KIR2DL4: variants seen among roughly 807,000 people sequenced by gnomAD.
The protein encoded by KIR2DL4 is killer cell immunoglobulin-like receptor 2DL4.
Under a neutral mutation model 31.0 loss-of-function variants are expected in KIR2DL4, and 41 were observed. That is an observed-to-expected ratio of 1.32 (90% CI 1.03 to 1.72). The LOEUF (loss-of-function observed/expected upper bound fraction) is 1.72, where lower values mean the gene tolerates loss of function less well. Ranked by LOEUF, KIR2DL4 falls within the 40% of genes most tolerant of loss-of-function variation. The pLI, the probability that KIR2DL4 is intolerant of heterozygous loss-of-function variation, is 0.00. For synonymous variants in KIR2DL4, 164 were observed against 133.6 expected, an observed-to-expected ratio of 1.23 and a Z score of -1.57; for missense variants, 438 against 353.7, an observed-to-expected ratio of 1.24 and a Z score of -1.91.
intron 5 of KIR2DL4, among the ~76,000 whole-genome samples, chr19:54,810,567 A>G (rs1372120115): frequency 6.6e-6 from 1 of 151,658 alleles, no homozygotes; most frequent in Non-Finnish European, 1.5e-5. Flanking sequence ...TTTTCCACAC[A>G]GCTGTCAGCC....
At chr19:54,812,332 T>C (rs1472679973) in intron 5 of KIR2DL4, among the ~76,000 whole-genome samples, 1 of 151,252 alleles carries the variant, frequency 6.6e-6, no homozygotes, top group East Asian at 1.9e-4. Context: ...TCATGTGCAC[T>C]GTAGCTGGGG....
rs372293579 is a variant in KIR2DL4 at position 54,813,679 on chromosome 19, G to A, written c.811-11G>A. Reference sequence around the variant, plus strand: ...CCTCCCAGCTGTTTTGATTGCTTCCGTCTCCTACAGATGCTGCTGTAATGA... The same window carrying A: ...CCTCCCAGCTGTTTTGATTGCTTCCATCTCCTACAGATGCTGCTGTAATGA... On this transcript the variant is annotated splice_polypyrimidine_tract_variant and intron_variant, in intron 6 of 7. Transcript: ENST00000359085. The A allele has an allele frequency of 5.5e-5, 88 of 1,611,046 alleles. No homozygotes were observed. The East Asian group carries it at 1.2e-3, about 22-fold the overall frequency.
rs1164224891 is a variant in KIR2DL4 at position 54,808,735 on chromosome 19, G to A, written c.656-98G>A. On this transcript the variant is annotated intron_variant, in intron 4 of 7. Transcript: ENST00000359085. Reference sequence around the variant, plus strand: ...CCAGGACTCCCAGGGCCCAACATTAGATAATAGAATGTTGGCCATGAACCA... The same window carrying A: ...CCAGGACTCCCAGGGCCCAACATTAAATAATAGAATGTTGGCCATGAACCA... The A allele has an allele frequency of 3.3e-6, 3 of 904,256 alleles. No homozygotes were observed. In the Admixed American group the frequency reaches 5.2e-5, roughly 16 times the overall value. The allele number at this position is 904,256 out of a possible 1,614,324, so 56.0% of individuals were successfully genotyped here. A position where few individuals can be genotyped will look rare whatever the true frequency, so the allele number is the denominator to read the frequency against.
At chr19:54,812,710 G>C (rs1296797409) in intron 5 of KIR2DL4, among the ~76,000 whole-genome samples, 1 of 149,318 alleles carries the variant, frequency 6.7e-6, no homozygotes, top group African/African-American at 2.5e-5. Context: ...AGGGAGAAAG[G>C]GGGTGTGATG....
In KIR2DL4 at chr19:54,813,810, C is replaced by A. The variant is rs1248095226; in HGVS notation, c.*42-32C>A. ...GAAATAGTCCTGAAAAATGTGAACACCCTCCCTCACTCAGGATTTCCCTCT... is the reference window on the plus strand; with the variant it reads ...GAAATAGTCCTGAAAAATGTGAACAACCTCCCTCACTCAGGATTTCCCTCT... On this transcript the variant is annotated intron_variant, in intron 7 of 7. Transcript: ENST00000359085. The A allele has an allele frequency of 7.4e-5, 119 of 1,611,934 alleles. 7 individuals are homozygous for A. Among genetic ancestry groups the A allele is most frequent in the Admixed American group, 3.5e-4 (21 of 59,896 alleles).
exon 8 of KIR2DL4, chr19:54,814,341 A>C: frequency 1.8e-6 from 1 of 561,340 alleles, no homozygotes; most frequent in East Asian, 3.1e-5. Context: ...TCACAATTCC[A>C]AACATACAAG....
Position 54,803,871 on chromosome 19 carries a change from A to T in KIR2DL4, c.41-20A>T. 1.7e-5 allele frequency: 28 copies of T among 1,607,278 alleles called. 1 individual carries two copies. The South Asian group carries it at 2.9e-4, about 17-fold the overall frequency. On this transcript the variant is annotated intron_variant, in intron 1 of 7. Coordinates refer to ENST00000359085, the Ensembl canonical transcript of KIR2DL4. ...AGGTTGCTGCCGAGATGAATAGTTCATCATGATCTTTCTTTGCAGGGTTCT... is the reference window on the plus strand; with the variant it reads ...AGGTTGCTGCCGAGATGAATAGTTCTTCATGATCTTTCTTTGCAGGGTTCT...
intron 6 of KIR2DL4, 128 bp from the exon 6 acceptor site, chr19:54,813,562 G>C (rs2061006792): frequency 3.1e-5 from 29 of 947,968 alleles, no homozygotes; most frequent in Non-Finnish European, 4.5e-5. Flanking sequence ...TGGAATGTCT[G>C]AGTCTGGCTG....
At chr19:54,805,055 C>A in exon 3 of KIR2DL4, 1 of 1,607,446 alleles carries the variant, frequency 6.2e-7, no homozygotes, top group Non-Finnish European at 8.5e-7. Flanking sequence ...CACCCAGCAA[C>A]CCCCTGGTGA....
intron 5 of KIR2DL4, among the ~76,000 whole-genome samples, chr19:54,812,665 C>T (rs1188012817): frequency 1.8e-4 from 27 of 149,878 alleles, no homozygotes; most frequent in Admixed American, 1.8e-3. Flanking sequence ...GGGGGTCCTG[C>T]GTGTGCAGAG....
exon 3 of KIR2DL4, chr19:54,804,972 C>A: frequency 1.9e-6 from 3 of 1,612,096 alleles, no homozygotes; most frequent in Non-Finnish European, 2.5e-6. Flanking sequence ...CCTCATTAGC[C>A]CTGTGACCCC....
intron 5 of KIR2DL4, among the ~76,000 whole-genome samples, chr19:54,812,955 A>G (rs2060951079): frequency 7.0e-6 from 1 of 143,462 alleles, no homozygotes; most frequent in African/African-American, 2.8e-5. Context: ...TTCTATTGTT[A>G]TTATGAAAAC....
At chr19:54,811,670 C>T (rs1380114985) in intron 5 of KIR2DL4, among the ~76,000 whole-genome samples, 1 of 151,370 alleles carries the variant, frequency 6.6e-6, no homozygotes, top group Non-Finnish European at 1.5e-5. Flanking sequence ...AAATCCCCCA[C>T]CTCACCCCTA....
chr19:54,804,257 T>C (rs2147873686), intron 2 of KIR2DL4, among the ~76,000 whole-genome samples: 2 of 150,016 alleles, frequency 1.3e-5, no homozygotes, highest in East Asian at 3.9e-4. Flanking sequence ...AAAGCTGGGG[T>C]GTGTGGGGGG....
exon 8 of KIR2DL4, chr19:54,813,975 T>C: frequency 6.2e-7 from 1 of 1,612,418 alleles, no homozygotes; most frequent in Non-Finnish European, 8.5e-7. Context: ...TGTATAGAAC[T>C]TCCAAATGCT....
chr19:54,803,618 C>A (rs759040438), exon 1 of KIR2DL4: 62 of 1,611,862 alleles, frequency 3.8e-5, no homozygotes, highest in Non-Finnish European at 5.1e-5. Flanking sequence ...TCAGTCGAGC[C>A]GAGTCACTGC....
At chr19:54,810,838 T>C (rs1284861928) in intron 5 of KIR2DL4, among the ~76,000 whole-genome samples, 1 of 151,344 alleles carries the variant, frequency 6.6e-6, no homozygotes, top group Non-Finnish European at 1.5e-5. Flanking sequence ...AACTGGAATC[T>C]AGGAGACTGT....
intron 5 of KIR2DL4, among the ~76,000 whole-genome samples, chr19:54,810,959 G>A (rs1420350699): frequency 6.6e-6 from 1 of 151,242 alleles, no homozygotes; most frequent in African/African-American, 2.4e-5. Context: ...TGCAGGGAGG[G>A]CTTGCCTGGT....
At position 54,807,576 on chromosome 19, in the gene KIR2DL4, T is replaced by A. The variant is rs563906511; in HGVS notation, c.656-1257T>A. ...CCTCAGCCTCCCGAGTAGTTGGGAT[T>A]ACTGGTGCCCGCCACCACGCCTGGC... On this transcript the variant is annotated intron_variant, in intron 4 of 7. Transcript: ENST00000359085. 3.3e-5 allele frequency among the ~76,000 whole-genome samples: 5 copies of A among 149,884 alleles called. 1 individual carries two copies. In the South Asian group the frequency reaches 1.1e-3, roughly 32 times the overall value.
Sources: allele counts gnomAD v4.1 joint callset (sites outside exome capture counted in the v4.1 genomes callset), GRCh38; gene constraint gnomAD v4.1.1; transcripts MANE v1.5; gene names NCBI Gene and HGNC (gene_info 2026-07-23, HGNC 2026-07-21).